The following FAM13B variants were observed in gnomAD, a reference collection of about 807,000 sequenced individuals.
FAM13B encodes family with sequence similarity 13 member B.
In FAM13B, 60 loss-of-function variants were observed where a neutral mutation model predicts 117.3. That is an observed-to-expected ratio of 0.51 (90% CI 0.42 to 0.63). The LOEUF (loss-of-function observed/expected upper bound fraction) is 0.63, where lower values mean the gene tolerates loss of function less well. Ranked by LOEUF, FAM13B falls within the 30% of genes least tolerant of loss-of-function variation. FAM13B has a pLI of 0.00. For missense variants in FAM13B, 972 were observed against 1,091.9 expected, an observed-to-expected ratio of 0.89 and a Z score of 1.55; for synonymous variants, 332 against 356.1, an observed-to-expected ratio of 0.93 and a Z score of 0.76.
intron 10 of FAM13B, among the ~76,000 whole-genome samples, chr5:137,971,569 AAC>A (rs1772161083): frequency 6.6e-6 from 1 of 151,260 alleles, no homozygotes; most frequent in African/African-American, 2.4e-5. Flanking sequence ...AGCAAGAGCA[AAC>A]ACATTCAAAA....
At chr5:138,050,625 T>C (rs1237088002) in intron 1 of FAM13B, among the ~76,000 whole-genome samples, 3 of 152,150 alleles carry the variant, frequency 2.0e-5, no homozygotes, top group Non-Finnish European at 4.4e-5. Context: ...TTTTTTAAAA[T>C]AGAGGACCTT....
chr5:138,011,094 C>A lies in FAM13B; in HGVS notation c.604G>T (p.Ala202Ser). 7 of 1,608,726 alleles carry A rather than the reference C, an allele frequency of 4.4e-6. No individual in the cohort carries two copies. Among genetic ancestry groups the A allele is most frequent in the Non-Finnish European group, 5.1e-6 (6 of 1,178,934 alleles). ...TCATAGTAGTTTTCCAGAAGTCCAG[C>A]CATTATCCTGCTCACTATTTCTTGC... ...KEQEIVSRIM[A>S]GLLENYYEFF... The change falls in exon 6 of 24, where the codon GCT becomes TCT. Residue 202 changes from alanine to serine, a missense_variant. By Grantham distance (99) the Ala-to-Ser change is moderately conservative. Coordinates refer to ENST00000689681, the MANE Select transcript of FAM13B (RefSeq NM_001385994.1).
chr5:138,022,900 C>T (rs1787156259), intron 1 of FAM13B, among the ~76,000 whole-genome samples: 1 of 151,488 alleles, frequency 6.6e-6, no homozygotes, highest in Non-Finnish European at 1.5e-5. Flanking sequence ...GCAATTATGG[C>T]TCACTGCAGC....
intron 10 of FAM13B, among the ~76,000 whole-genome samples, chr5:137,979,893 G>A (rs1449659590): frequency 6.6e-6 from 1 of 151,898 alleles, no homozygotes; most frequent in Non-Finnish European, 1.5e-5. Context: ...CAGGCACGGT[G>A]GCTCACGCCT....
chr5:137,959,556 T>C (rs1767550854), intron 13 of FAM13B, 60 bp downstream of exon 13: 6 of 1,566,010 alleles, frequency 3.8e-6, no homozygotes, highest in Non-Finnish European at 5.3e-6. Context: ...TATCATTGCT[T>C]AGGGTAATTT....
Position 138,023,551 on chromosome 5 carries a change from T to C in FAM13B, c.-202-2354A>G, listed in dbSNP as rs142327339. Among the ~76,000 whole-genome samples the C allele has an allele frequency of 9.8e-3, 1,492 of 152,282 alleles. 9 individuals carry two copies. Among genetic ancestry groups the C allele is most frequent in the Non-Finnish European group, 0.015 (1,044 of 68,016 alleles). ...TAAATTATCACAATTTATAGTATGA[T>C]AGAATGTCACATTCTGGCGCTCAAA... is the stretch of plus-strand genomic sequence containing the variant. On this transcript the variant is annotated intron_variant, in intron 1 of 23. Transcript: ENST00000689681.
intron 10 of FAM13B, among the ~76,000 whole-genome samples, chr5:137,965,097 A>G (rs1363009921): frequency 1.3e-5 from 2 of 152,140 alleles, no homozygotes; most frequent in African/African-American, 4.8e-5. Context: ...CCCAGTGGGG[A>G]GGAGCAGATT....
At chr5:138,046,993 C>T (rs1216433878) in intron 1 of FAM13B, among the ~76,000 whole-genome samples, 2 of 152,008 alleles carry the variant, frequency 1.3e-5, no homozygotes, top group Non-Finnish European at 2.9e-5. Flanking sequence ...ATCCACCTGC[C>T]TCGGCCTCCC....
chr5:138,038,941 T>TA (rs2151124074), intron 1 of FAM13B, among the ~76,000 whole-genome samples: 1 of 152,314 alleles, frequency 6.6e-6, no homozygotes, highest in East Asian at 1.9e-4. Flanking sequence ...GAACCAAAGT[T>TA]AACATAATGT....
chr5:137,960,419 G>A (rs1441090954), intron 11 of FAM13B, among the ~76,000 whole-genome samples: 2 of 151,796 alleles, frequency 1.3e-5, no homozygotes, highest in African/African-American at 4.8e-5. Context: ...GAATCACTTC[G>A]GGTTTAGAAA....
upstream of FAM13B, among the ~76,000 whole-genome samples, chr5:138,037,987 G>A (rs1184611594): frequency 6.6e-6 from 1 of 152,166 alleles, no homozygotes; most frequent in East Asian, 1.9e-4. Context: ...AGACTTAAAT[G>A]AATTGGTATG....
In FAM13B at chr5:137,941,796, C is replaced by T. The variant is rs1761932187; in HGVS notation, c.2690+148G>A. 4.6e-6 allele frequency: 3 copies of T among 646,154 alleles called. No individual in the cohort carries two copies. In the South Asian group the frequency reaches 5.9e-5, roughly 13 times the overall value. 40.0% of individuals were successfully genotyped at this position (646,154 alleles called of 1,614,324 possible). On this transcript the variant is annotated intron_variant, in intron 23 of 23. Coordinates refer to ENST00000689681, the MANE Select transcript of FAM13B (RefSeq NM_001385994.1). The stretch of plus-strand genomic sequence containing the variant: ...TATTCCTGGCCATTAAAAGCAGGGC[C>T]TCAGAGCATAAAGGAATGTTTTAAA...
Position 137,960,234 on chromosome 5 carries a change from T to C in FAM13B, c.1245-20A>G. The C allele has an allele frequency of 7.2e-7, 1 of 1,379,652 alleles. No homozygotes were observed. Among genetic ancestry groups the C allele is most frequent in the Non-Finnish European group, 1.0e-6 (1 of 987,576 alleles). 85.5% of individuals were successfully genotyped at this position (1,379,652 alleles called of 1,614,324 possible). A position where few individuals can be genotyped will look rare whatever the true frequency, so the allele number is the denominator to read the frequency against. On this transcript the variant is annotated intron_variant, in intron 11 of 23. Coordinates refer to ENST00000689681, the MANE Select transcript of FAM13B (RefSeq NM_001385994.1). ...TCTTCCCTAAAAATACAAGTAAAGT[T>C]GTTAGTATATTAAGAATAAAAAGGC...
intron 7 of FAM13B, among the ~76,000 whole-genome samples, chr5:138,003,174 C>G (rs1004711350): frequency 3.9e-5 from 6 of 152,078 alleles, no homozygotes; most frequent in African/African-American, 7.2e-5. Flanking sequence ...GAATGTAAAA[C>G]TAGGTAATTT....
chr5:137,985,907 C>T (rs898348940), intron 9 of FAM13B, among the ~76,000 whole-genome samples: 1 of 152,178 alleles, frequency 6.6e-6, no homozygotes, highest in Non-Finnish European at 1.5e-5. Context: ...AAGACTATCA[C>T]CTGAGCAATG....
At chr5:138,050,219 C>G (rs564836981) in intron 1 of FAM13B, among the ~76,000 whole-genome samples, 1 of 152,170 alleles carries the variant, frequency 6.6e-6, no homozygotes. Flanking sequence ...AGGCAGATCA[C>G]CTGAGATGGG....
intron 10 of FAM13B, among the ~76,000 whole-genome samples, chr5:137,971,965 A>C (rs1276310036): frequency 3.3e-5 from 5 of 151,514 alleles, no homozygotes; most frequent in Admixed American, 3.3e-4. Context: ...TTGTGGCAAT[A>C]ATCAATAGCT....
At chr5:137,963,875 G>A (rs1054073657) in intron 10 of FAM13B, among the ~76,000 whole-genome samples, 22 of 152,110 alleles carry the variant, frequency 1.4e-4, no homozygotes, top group Non-Finnish European at 3.2e-4. Context: ...ATGATGTGAG[G>A]TAGAACAGTT....
Position 137,946,006 on chromosome 5 carries a change from A to G in FAM13B, c.2245-9T>C, listed in dbSNP as rs1488381742. 3 of 1,597,108 alleles carry G rather than the reference A, an allele frequency of 1.9e-6. No homozygotes were observed. Among genetic ancestry groups the G allele is most frequent in the Non-Finnish European group, 2.6e-6 (3 of 1,168,086 alleles). ...CTTTCTTCCTTGGTCACCTGAAGCA[A>G]GAAAAAAAAGAAATTGTCTAGTCAT... On this transcript the variant is annotated splice_polypyrimidine_tract_variant and intron_variant, in intron 19 of 23. Coordinates refer to ENST00000689681, the MANE Select transcript of FAM13B (RefSeq NM_001385994.1).
Sources: allele counts gnomAD v4.1 joint callset (sites outside exome capture counted in the v4.1 genomes callset), GRCh38; gene constraint gnomAD v4.1.1; transcripts MANE v1.5; gene names NCBI Gene and HGNC (gene_info 2026-07-23, HGNC 2026-07-21).